Variants in GSE1 observed in about 807,000 individuals in gnomAD.
The protein encoded by GSE1 is Gse1 coiled-coil protein.
GSE1 carries 32 observed loss-of-function variants against 112.6 expected under a neutral mutation model. The observed-to-expected ratio is 0.28, with a 90% CI of 0.21 to 0.38. GSE1 has a LOEUF of 0.38. GSE1 is among the 10% of genes least tolerant of loss of function. The probability of loss-of-function intolerance (pLI) is 1.00; values close to 1 mark genes in which losing one functional copy is unlikely to be tolerated. For missense variants in GSE1, 2,348 were observed against 1,699.2 expected (o/e 1.38, Z -6.71); for synonymous variants, 1,115 against 735.6 (o/e 1.52, Z -8.35).
At chr16:85,172,183 G>A (rs1394511162) in intron 1 of GSE1, among the ~76,000 whole-genome samples, 2 of 152,224 alleles carry the variant, frequency 1.3e-5, no homozygotes, top group African/African-American at 2.4e-5. Flanking sequence ...TAGTCCAGCC[G>A]TGCGGGTCAC....
intron 3 of GSE1, among the ~76,000 whole-genome samples, chr16:85,653,749 T>C (rs1456883167): frequency 6.6e-6 from 1 of 152,054 alleles, no homozygotes; most frequent in Non-Finnish European, 1.5e-5. Context: ...CCAGGGGCAG[T>C]GCCAGCTTCC....
rs1470199894 is a variant in GSE1 at position 85,418,005 on chromosome 16, A to AT, written c.2464+60367dup. ...AGGGGTCTGCCACCATGCCCAGCTA[A>AT]TTTTTGTATTTTTAGTAGAGATGGG... On this transcript the variant is annotated intron_variant, in intron 2 of 2. Transcript: ENST00000637419. 1.1e-4 allele frequency among the ~76,000 whole-genome samples: 17 copies of AT among 152,032 alleles called. No homozygotes were observed. The East Asian group carries it at 3.3e-3, about 29-fold the overall frequency.
intron 1 of GSE1, among the ~76,000 whole-genome samples, chr16:85,186,261 G>C (rs1396389503): frequency 1.3e-5 from 2 of 152,152 alleles, no homozygotes; most frequent in African/African-American, 2.4e-5. Context: ...CTTGAGCCCA[G>C]GAGCTCGAGA....
chr16:85,253,959 C>G (rs912073958), intron 1 of GSE1, among the ~76,000 whole-genome samples: 31 of 152,176 alleles, frequency 2.0e-4, no homozygotes, highest in African/African-American at 6.8e-4. Context: ...GCAAACATGT[C>G]TGGATGTCTG....
Position 85,377,991 on chromosome 16 carries a change from G to A in GSE1, c.2464+20348G>A, listed in dbSNP as rs556821522. Among the ~76,000 whole-genome samples, 8 of 152,322 alleles carry A rather than the reference G, an allele frequency of 5.3e-5. No homozygotes were observed. The South Asian group carries it at 1.7e-3, about 32-fold the overall frequency. On this transcript the variant is annotated intron_variant, in intron 2 of 2. Transcript: ENST00000637419. ...CCCTGTCTCCAGGAAGGGCTCTATC[G>A]GCTCCGTCATCTGCACCCCGGGCTT...
intron 2 of GSE1, among the ~76,000 whole-genome samples, chr16:85,544,422 C>T (rs62048433): frequency 0.26 from 39,457 of 152,064 alleles, 5,530 homozygotes; most frequent in Middle Eastern, 0.36. Flanking sequence ...AAGGACAGCT[C>T]AGGCCACGGG....
At chr16:85,412,759 G>C (rs1225257394) in intron 2 of GSE1, among the ~76,000 whole-genome samples, 1 of 152,144 alleles carries the variant, frequency 6.6e-6, no homozygotes, top group Non-Finnish European at 1.5e-5. Flanking sequence ...GTTGCACTCA[G>C]GGTCCCTCTG....
rs1328445354 is a variant in GSE1, at chr16:85,673,490, A to C, written c.*951A>C. On this transcript the variant is annotated 3_prime_UTR_variant, in exon 16 of 16. Coordinates refer to ENST00000253458, the MANE Select transcript of GSE1 (RefSeq NM_014615.5). Reference sequence around the variant, plus strand: ...GGTTTTTTTTGGGCAAAAAAAAAAAAAAAACCTTGCTTTTAGTGTTTGTAC... The same window carrying C: ...GGTTTTTTTTGGGCAAAAAAAAAAACAAAACCTTGCTTTTAGTGTTTGTAC... 1 of 152,416 alleles carries C rather than the reference A, an allele frequency of 6.6e-6. No homozygotes were observed. The highest frequency in any genetic ancestry group is 1.5e-5 in the Non-Finnish European group (1 of 67,998). The allele number at this position is 152,416 out of a possible 1,614,324, so 9.4% of individuals were successfully genotyped here.
chr16:85,638,964 C>G (rs16975767), intron 2 of GSE1, among the ~76,000 whole-genome samples: 6,065 of 152,176 alleles, frequency 0.04, 201 homozygotes, highest in East Asian at 0.14. Flanking sequence ...TTGGTCTTGA[C>G]TTTCTGGGAG....
At chr16:85,643,943 C>A (rs2050645567) in intron 2 of GSE1, among the ~76,000 whole-genome samples, 1 of 152,026 alleles carries the variant, frequency 6.6e-6, no homozygotes, top group Admixed American at 6.5e-5. Context: ...CTCCACAGCA[C>A]AAATGTCCAC....
intron 2 of GSE1, among the ~76,000 whole-genome samples, chr16:85,486,989 G>C (rs544740482): frequency 6.6e-6 from 1 of 152,128 alleles, no homozygotes; most frequent in Non-Finnish European, 1.5e-5. Flanking sequence ...GGCACCCCAG[G>C]GACTTGGGGT....
intron 1 of GSE1, among the ~76,000 whole-genome samples, chr16:85,263,424 G>A (rs776628584): frequency 1.3e-5 from 2 of 152,156 alleles, no homozygotes; most frequent in East Asian, 1.9e-4. Context: ...CAAGTTTCCA[G>A]TTGGTATTTG....
chr16:85,660,618 G>A (rs898704593), intron 8 of GSE1, among the ~76,000 whole-genome samples: 2 of 152,096 alleles, frequency 1.3e-5, no homozygotes, highest in African/African-American at 4.8e-5. Flanking sequence ...CTGCCTGGGT[G>A]ACAGAGTGAG....
intron 1 of GSE1, among the ~76,000 whole-genome samples, chr16:85,247,745 G>A (rs555941513): frequency 2.6e-5 from 4 of 152,212 alleles, no homozygotes; most frequent in South Asian, 2.1e-4. Flanking sequence ...GGGCTGCTGT[G>A]AGCACTCAGG....
rs548954709 is a variant in GSE1 at position 85,656,045 on chromosome 16, C to T, written c.989+128C>T. On this transcript the variant is annotated intron_variant, in intron 6 of 15. Coordinates refer to ENST00000253458, the MANE Select transcript of GSE1 (RefSeq NM_014615.5). ...CCTGTCCTCACAGTTTGTCCACCTG[C>T]CAAATGGGACAATGATCGTTCAGGC... 630 of 754,754 alleles carry T rather than the reference C, an allele frequency of 8.3e-4. 3 individuals are homozygous for T. The African/African-American group carries it at 0.01, about 12-fold the overall frequency. The allele number at this position is 754,754 out of a possible 1,614,324, so 46.8% of individuals were successfully genotyped here.
intron 2 of GSE1, among the ~76,000 whole-genome samples, chr16:85,466,781 T>C (rs1232877681): frequency 6.6e-6 from 1 of 151,914 alleles, no homozygotes; most frequent in Non-Finnish European, 1.5e-5. Context: ...GGAAGATGGC[T>C]GAACGCAGTG....
intron 2 of GSE1, among the ~76,000 whole-genome samples, chr16:85,500,998 G>GTTTTTTTTTTGTTTTTTTTTTTTTTTT (rs2051342155): frequency 4.6e-5 from 3 of 64,822 alleles, no homozygotes; most frequent in African/African-American, 2.0e-4. Flanking sequence ...GGCCTGTTCT[G>GTTTTTTTTTTGTTTTTTTTTTTTTTTT]TTTTTTTTTT....
intron 1 of GSE1, among the ~76,000 whole-genome samples, chr16:85,556,762 CCA>C (rs1491175046): frequency 4.9e-5 from 7 of 143,228 alleles, no homozygotes; most frequent in Admixed American, 6.8e-5. Flanking sequence ...CCCCCCCCCC[CCA>C]GTCCTGGGGT....
At chr16:85,531,397 G>A (rs1567565096) in intron 2 of GSE1, among the ~76,000 whole-genome samples, 1 of 152,128 alleles carries the variant, frequency 6.6e-6, no homozygotes, top group Non-Finnish European at 1.5e-5. Context: ...TGCTTGGGTA[G>A]ACGGATGAGC....
Sources: gnomAD v4.1 joint callset for allele counts (sites outside exome capture counted in the v4.1 genomes callset) on GRCh38, gnomAD v4.1.1 for gene constraint, MANE v1.5 for transcripts, NCBI Gene and HGNC (gene_info 2026-07-23, HGNC 2026-07-21) for gene names.